Variants in SYT7 observed in about 807,000 individuals in gnomAD.
SYT7 encodes the protein synaptotagmin 7.
In SYT7, 29 loss-of-function variants were observed where a neutral mutation model predicts 75.1. That is an observed-to-expected ratio of 0.39 (90% CI 0.29 to 0.53). The LOEUF (loss-of-function observed/expected upper bound fraction) is 0.53. Among genes scored for constraint, SYT7 ranks in the 20% least tolerant of loss-of-function variants. The pLI, the probability that SYT7 is intolerant of heterozygous loss-of-function variation, is 0.77. For synonymous variants in SYT7, 376 were observed against 401.7 expected, an observed-to-expected ratio of 0.94 and a Z score of 0.76; for missense variants, 693 against 953.2, an observed-to-expected ratio of 0.73 and a Z score of 3.59.
rs1314741389 is a variant in SYT7, at chr11:61,523,973, C to G, written c.1642-32G>C. The G allele has an allele frequency of 6.2e-7, 1 of 1,602,064 alleles. No homozygotes were observed. Among genetic ancestry groups the G allele is most frequent in the South Asian group, 1.1e-5 (1 of 90,768 alleles). On this transcript the variant is annotated intron_variant, in intron 10 of 12. Coordinates refer to ENST00000539008, the MANE Select transcript of SYT7 (RefSeq NM_001365809.2). The surrounding 1 kb of genome is among the most constrained non-coding windows in gnomAD (Gnocchi z 5.0). ...GGCACGACAGGAGGGGTGTGGGGAA[C>G]TAGGCTAGCAGAGCTCTCTGATTGG...
At chr11:61,531,939 G>T (rs897377258) in intron 8 of SYT7, among the ~76,000 whole-genome samples, 2 of 149,544 alleles carry the variant, frequency 1.3e-5, no homozygotes, top group African/African-American at 5.0e-5. Context: ...CCCCACCGAA[G>T]GCCCATTGAC....
At position 61,568,071 on chromosome 11, in the gene SYT7, C is replaced by T. The variant is rs973895152; in HGVS notation, c.32-11864G>A. ...CCGCCAAGATGAACACAAAGGCCTCCCCCAGGGCAGAGGCTCCACACCTCT... is the reference window on the plus strand; with the variant it reads ...CCGCCAAGATGAACACAAAGGCCTCTCCCAGGGCAGAGGCTCCACACCTCT... On this transcript the variant is annotated intron_variant, in intron 1 of 12. Coordinates refer to ENST00000539008, the MANE Select transcript of SYT7 (RefSeq NM_001365809.2). 7.5e-4 allele frequency among the ~76,000 whole-genome samples: 114 copies of T among 152,178 alleles called. 1 individual carries two copies. Among genetic ancestry groups the T allele is most frequent in the Non-Finnish European group, 3.1e-4 (21 of 68,024 alleles).
At chr11:61,556,734 G>A (rs1050891073) in intron 1 of SYT7, among the ~76,000 whole-genome samples, 4 of 152,188 alleles carry the variant, frequency 2.6e-5, no homozygotes, top group South Asian at 2.1e-4. Flanking sequence ...GGCACTAGCC[G>A]GTCGTCTTGC....
chr11:61,527,860 G>A, intron 9 of SYT7, 55 bp downstream of exon 9: 2 of 1,595,042 alleles, frequency 1.3e-6, no homozygotes, highest in Non-Finnish European at 1.7e-6. Context: ...GTTGGGTAGG[G>A]GGATGGTAGA....
At chr11:61,538,790 G>T (rs562134377) in intron 6 of SYT7, among the ~76,000 whole-genome samples, 1 of 152,188 alleles carries the variant, frequency 6.6e-6, no homozygotes, top group Non-Finnish European at 1.5e-5. Flanking sequence ...ATCCTGCACC[G>T]GCACCGCGCA....
chr11:61,541,630 G>T (rs1450842611), intron 6 of SYT7, among the ~76,000 whole-genome samples: 1 of 151,896 alleles, frequency 6.6e-6, no homozygotes, highest in Non-Finnish European at 1.5e-5. Context: ...GACTTGGGAA[G>T]TCAGGGCGGG....
At chr11:61,547,609 G>T (rs1013888501) in intron 3 of SYT7, among the ~76,000 whole-genome samples, 1 of 151,816 alleles carries the variant, frequency 6.6e-6, no homozygotes, top group Admixed American at 6.6e-5. Context: ...CTGGAGCCTC[G>T]CACCTGGGAA....
intron 6 of SYT7, among the ~76,000 whole-genome samples, chr11:61,539,337 C>G (rs1290237929): frequency 2.6e-5 from 4 of 152,128 alleles, no homozygotes; most frequent in Admixed American, 2.6e-4. Flanking sequence ...AACCATCGGG[C>G]AACTTGCCAG....
At chr11:61,575,755 C>T (rs1343432181) in intron 1 of SYT7, among the ~76,000 whole-genome samples, 6 of 152,162 alleles carry the variant, frequency 3.9e-5, no homozygotes, top group East Asian at 1.9e-4. Context: ...CAACGCGCCT[C>T]GCTACAAATA....
the SYT7 span, among the ~76,000 whole-genome samples, chr11:61,586,794 C>T: frequency 6.6e-6 from 1 of 152,058 alleles, no homozygotes; most frequent in Admixed American, 6.6e-5. Flanking sequence ...GAAGAGGGGA[C>T]AGTTAGGGAG....
At position 61,580,775 on chromosome 11, in the gene SYT7, CG is replaced by C. The variant is rs949199351; in HGVS notation, c.31+14del. 1.7e-5 allele frequency: 21 copies of C among 1,261,068 alleles called. No individual in the cohort carries two copies. Among genetic ancestry groups the C allele is most frequent in the Admixed American group, 3.8e-5 (1 of 26,254 alleles). The allele number at this position is 1,261,068 out of a possible 1,614,324, so 78.1% of individuals were successfully genotyped here. ...GCCGGTGCGGGGCGCCCCAGCCCGC[CG>C]GGGCCGCGCTTACCTGGGCTGGCCG... On this transcript the variant is annotated intron_variant, in intron 1 of 12. Coordinates refer to ENST00000539008, the MANE Select transcript of SYT7 (RefSeq NM_001365809.2). This position sits in a 1 kb window ranked among gnomAD's most constrained non-coding sequence, Gnocchi z 6.1.
At position 61,533,168 on chromosome 11, in the gene SYT7, C is replaced by T. The variant is rs763924081; in HGVS notation, c.1065-44G>A. 4 of 1,516,642 alleles carry T rather than the reference C, an allele frequency of 2.6e-6. No homozygotes were observed. The South Asian group carries it at 5.1e-5, about 19-fold the overall frequency. 93.9% of individuals were successfully genotyped at this position (1,516,642 alleles called of 1,614,324 possible). A position where few individuals can be genotyped will look rare whatever the true frequency, so the allele number is the denominator to read the frequency against. ...AAATGAGATTGGGCTGGGAAGTGAG[C>T]TGCGTTGGGCACCCCGGCCTGGGGG... On this transcript the variant is annotated intron_variant, in intron 7 of 12. Transcript: ENST00000539008.
chr11:61,537,938 T>C (rs2062916314), intron 7 of SYT7, among the ~76,000 whole-genome samples: 1 of 152,284 alleles, frequency 6.6e-6, no homozygotes, highest in East Asian at 1.9e-4. Context: ...GGTCCCAGGA[T>C]GGCCGCAAGT....
Position 61,532,733 on chromosome 11 carries a change from CT to C in SYT7, c.1200+255del, listed in dbSNP as rs2062748219. On this transcript the variant is annotated intron_variant, in intron 8 of 12. Coordinates refer to ENST00000539008, the MANE Select transcript of SYT7 (RefSeq NM_001365809.2). Reference sequence around the variant, plus strand: ...AGCAGGATGGGTATTCTTATTTTCACTTGTCAAAGGAAGAAACTGAGACATG... The same window carrying C: ...AGCAGGATGGGTATTCTTATTTTCACTGTCAAAGGAAGAAACTGAGACATG... Among the ~76,000 whole-genome samples, 6 of 152,314 alleles carry C rather than the reference CT, an allele frequency of 3.9e-5. 1 individual carries two copies. The South Asian group carries it at 1.2e-3, about 32-fold the overall frequency.
intron 12 of SYT7, 130 bp downstream of exon 12, chr11:61,522,940 CTGAGA>C (rs1170184308): frequency 1.2e-6 from 1 of 865,420 alleles, no homozygotes; most frequent in African/African-American, 1.7e-5. Flanking sequence ...AAACAGAGGC[CTGAGA>C]GGAGAGGAGA....
At chr11:61,574,889 G>A (rs540628491) in intron 1 of SYT7, among the ~76,000 whole-genome samples, 7 of 152,194 alleles carry the variant, frequency 4.6e-5, no homozygotes, top group Admixed American at 3.3e-4. Context: ...AGGGTTTGAA[G>A]TAATTTAATT....
At chr11:61,583,131 A>G (rs1282573338), upstream of SYT7, among the ~76,000 whole-genome samples, 2 of 151,936 alleles carry the variant, frequency 1.3e-5, no homozygotes, top group African/African-American at 2.4e-5. Context: ...GGAGGCTGCG[A>G]CGGGAGGATG....
intron 7 of SYT7, among the ~76,000 whole-genome samples, chr11:61,534,843 TACACACAC>T (rs10552302): frequency 6.8e-6 from 1 of 147,684 alleles, no homozygotes; most frequent in Non-Finnish European, 1.5e-5. Context: ...ACGCACCACA[TACACACAC>T]ACACACACAC....
chr11:61,520,057 ATCT>A, intron 12 of SYT7, among the ~76,000 whole-genome samples: 1 of 101,882 alleles, frequency 9.8e-6, no homozygotes. Flanking sequence ...TGACCTCGTG[ATCT>A]GGGCAAACTG....
Sources: gnomAD v4.1 joint callset for allele counts (sites outside exome capture counted in the v4.1 genomes callset) on GRCh38, gnomAD v4.1.1 for gene constraint, Gnocchi (gnomAD v3.1) non-coding constraint, MANE v1.5 for transcripts, NCBI Gene and HGNC (gene_info 2026-07-23, HGNC 2026-07-21) for gene names.